The following TCEAL3 variants were observed in gnomAD, a reference collection of about 807,000 sequenced individuals.
The protein encoded by TCEAL3 is transcription elongation factor A like 3, also known as transcription elongation factor A protein-like 3.
For missense variants in TCEAL3, 99 were observed against 156.4 expected (o/e 0.63, Z 1.96); for synonymous variants, 41 against 60.2 (o/e 0.68, Z 1.48).
chrX:103,609,864 A>ATGAAATTGT lies in TCEAL3; in HGVS notation c.*197_*198insTGAAATTGT. On this transcript the variant is annotated 3_prime_UTR_variant, in exon 3 of 3. Coordinates refer to ENST00000372627, the MANE Select transcript of TCEAL3 (RefSeq NM_032926.3). ...GAGGATTTTCACCCATGTGCATGGAAAAGATGTTCATGGTACATTGTAAAA... is the reference window on the plus strand; with the variant it reads ...GAGGATTTTCACCCATGTGCATGGAATGAAATTGTAAGATGTTCATGGTACATTGTAAAA... 1 of 496,292 alleles carries ATGAAATTGT rather than the reference A, an allele frequency of 2.0e-6. No individual in the cohort carries two copies. The highest frequency in any genetic ancestry group is 5.6e-5 in the South Asian group (1 of 17,776). The allele number at this position is 496,292 out of a possible 1,213,427, so 40.9% of individuals were successfully genotyped here. A position where few individuals can be genotyped will look rare whatever the true frequency, so the allele number is the denominator to read the frequency against.
Position 103,609,592 on chromosome X carries a change from G to A in TCEAL3, c.528G>A (p.Arg176=). 8.3e-7 allele frequency: 1 copy of A among 1,211,810 alleles called. No individual in the cohort carries two copies. The highest frequency in any genetic ancestry group is 1.7e-5 in the African/African-American group (1 of 57,792). ...ATGTACAGGATCCATTCGCCCCAAG[G>A]GGACAACGGGGTGTCAGGGGAGTGA... ...QRDVQDPFAP[R]GQRGVRGVRG... Residue 176 remains arginine (R), a synonymous_variant, in exon 3 of 3, where the codon AGG becomes AGA. Coordinates refer to ENST00000372627, the MANE Select transcript of TCEAL3 (RefSeq NM_032926.3).
intron 2 of TCEAL3, 97 bp from the exon 3 acceptor site, chrX:103,608,941 T>G: frequency 8.4e-6 from 9 of 1,074,654 alleles, no homozygotes; most frequent in Non-Finnish European, 1.1e-5. Flanking sequence ...TCACCAGGGG[T>G]GAGATGCAAG....
Position 103,609,142 on chromosome X carries a change from T to C in TCEAL3, c.78T>C (p.Asp26=), listed in dbSNP as rs748622051. 84 of 1,209,105 alleles carry C rather than the reference T, an allele frequency of 6.9e-5. No individual in the cohort carries two copies. The highest frequency in any genetic ancestry group is 8.7e-5 in the Non-Finnish European group (78 of 894,817). ...GKPEDEVEPD[D]EGKSDEEEKP... ...CAGAAGATGAAGTAGAGCCTGATGATGAAGGAAAGTCAGACGAGGAAGAAA... is the reference window on the plus strand; with the variant it reads ...CAGAAGATGAAGTAGAGCCTGATGACGAAGGAAAGTCAGACGAGGAAGAAA... Residue 26 remains aspartate (D), a synonymous_variant, in exon 3 of 3, where the codon GAT becomes GAC. Coordinates refer to ENST00000372627, the MANE Select transcript of TCEAL3 (RefSeq NM_032926.3).
At position 103,608,843 on chromosome X, in the gene TCEAL3, A is replaced by T. The variant is rs144268357; in HGVS notation, c.-28+170A>T. 2.4e-3 allele frequency among the ~76,000 whole-genome samples: 274 copies of T among 113,044 alleles called. No homozygotes were observed. The highest frequency in any genetic ancestry group is 7.8e-3 in the African/African-American group (243 of 31,190). On this transcript the variant is annotated intron_variant, in intron 2 of 2. Coordinates refer to ENST00000372627, the MANE Select transcript of TCEAL3 (RefSeq NM_032926.3). ...GAGAAGGTGGCAGGGACTGCCAGGG[A>T]ATGGCTGGCTCACGTGTGTGGGAGG...
At chrX:103,608,397 C>T (rs2073639472) in intron 1 of TCEAL3, among the ~76,000 whole-genome samples, 1 of 112,610 alleles carries the variant, frequency 8.9e-6, no homozygotes, top group Admixed American at 9.3e-5. Flanking sequence ...CAGGTTGCCT[C>T]CAGGGGAAGG....
chrX:103,608,291 A>G (rs1314638891), intron 1 of TCEAL3, among the ~76,000 whole-genome samples: 1 of 113,016 alleles, frequency 8.8e-6, no homozygotes, highest in Admixed American at 9.2e-5. Flanking sequence ...CCCGCAGTGC[A>G]ACAGTGAAAC....
intron 2 of TCEAL3, among the ~76,000 whole-genome samples, 163 bp from the exon 3 acceptor site, chrX:103,608,875 A>G (rs2073642152): frequency 8.9e-6 from 1 of 112,792 alleles, no homozygotes; most frequent in Admixed American, 9.3e-5. Flanking sequence ...GAGGAGTGGC[A>G]GGCTACGTGG....
chrX:103,608,534 G>A (rs1427040623), intron 1 of TCEAL3, 70 bp from the exon 2 acceptor site: 1 of 332,938 alleles, frequency 3.0e-6, no homozygotes, highest in East Asian at 8.0e-5. Flanking sequence ...CTGGACTCAG[G>A]AAAGGGAACC....
At chrX:103,608,561 G>T in intron 1 of TCEAL3, 43 bp from the exon 2 acceptor site, 1 of 431,076 alleles carries the variant, frequency 2.3e-6, no homozygotes, top group East Asian at 6.6e-5. Context: ...CTGTGAGACC[G>T]CTGACTGCGC....
At chrX:103,608,956 A>G (rs2073642672) in intron 2 of TCEAL3, 82 bp from the exon 3 acceptor site, 1 of 1,116,939 alleles carries the variant, frequency 9.0e-7, no homozygotes, top group African/African-American at 1.8e-5. Flanking sequence ...TGCAAGTACT[A>G]TCCAGACCTG....
In TCEAL3 at chrX:103,609,338, A is replaced by G. The variant is rs765368459; in HGVS notation, c.274A>G (p.Ser92Gly). Reference protein sequence around the residue: ...GKPASQAKPESQPRAAEKRPA... With the variant: ...GKPASQAKPEGQPRAAEKRPA... Reference sequence around the variant, plus strand: ...GCCAGCCTCCCAGGCAAAGCCAGAGAGCCAGCCGCGGGCCGCCGAAAAGCG... The same window carrying G: ...GCCAGCCTCCCAGGCAAAGCCAGAGGGCCAGCCGCGGGCCGCCGAAAAGCG... Residue 92 changes from serine to glycine, a missense_variant, in exon 3 of 3, where the codon AGC becomes GGC. Ser to Gly is a moderately conservative substitution (Grantham distance 56). Coordinates refer to ENST00000372627, the MANE Select transcript of TCEAL3 (RefSeq NM_032926.3). 2.3e-5 allele frequency: 28 copies of G among 1,210,106 alleles called. No individual in the cohort carries two copies. In the East Asian group the frequency reaches 4.7e-4, roughly 21 times the overall value.
Position 103,608,585 on chromosome X carries a change from G to C in TCEAL3, c.-97-19G>C. The C allele has an allele frequency of 1.7e-6, 1 of 586,131 alleles. No individual in the cohort carries two copies. Among genetic ancestry groups the C allele is most frequent in the Non-Finnish European group, 2.6e-6 (1 of 386,393 alleles). The allele number at this position is 586,131 out of a possible 1,213,427, so 48.3% of individuals were successfully genotyped here. Reference sequence around the variant, plus strand: ...CGCTGACTGCGCAGCCCCTACCCCTGTCTCCTGTCTGTCCGCAGGTCTGCG... The same window carrying C: ...CGCTGACTGCGCAGCCCCTACCCCTCTCTCCTGTCTGTCCGCAGGTCTGCG... On this transcript the variant is annotated intron_variant, in intron 1 of 2. Transcript: ENST00000372627.
Position 103,609,383 on chromosome X carries a change from C to T in TCEAL3, c.319C>T (p.Pro107Ser). 1 of 1,211,601 alleles carries T rather than the reference C, an allele frequency of 8.3e-7. No homozygotes were observed. The highest frequency in any genetic ancestry group is 1.1e-6 in the Non-Finnish European group (1 of 895,496). Residue 107 changes from proline to serine, a missense_variant, in exon 3 of 3, where the codon CCC becomes TCC. Physicochemically the swap from Pro to Ser is moderately conservative, Grantham distance 74 (BLOSUM62 -1). Coordinates refer to ENST00000372627, the MANE Select transcript of TCEAL3 (RefSeq NM_032926.3). Reference protein sequence around the residue: ...AEKRPAEDYVPRKAKRKTDRG... With the variant: ...AEKRPAEDYVSRKAKRKTDRG... ...AAAGCGCCCGGCTGAAGATTATGTG[C>T]CCCGGAAAGCAAAAAGAAAAACGGA...
chrX:103,609,860 T>C lies in TCEAL3; in HGVS notation c.*193T>C. On this transcript the variant is annotated 3_prime_UTR_variant, in exon 3 of 3. Transcript: ENST00000372627. ...AGTAGAGGATTTTCACCCATGTGCATGGAAAAGATGTTCATGGTACATTGT... is the reference window on the plus strand; with the variant it reads ...AGTAGAGGATTTTCACCCATGTGCACGGAAAAGATGTTCATGGTACATTGT... 2.0e-6 allele frequency: 1 copy of C among 503,806 alleles called. No homozygotes were observed. The highest frequency in any genetic ancestry group is 3.1e-6 in the Non-Finnish European group (1 of 318,580). 41.5% of individuals were successfully genotyped at this position (503,806 alleles called of 1,213,427 possible).
At position 103,609,787 on chromosome X, in the gene TCEAL3, G is replaced by A. The variant is rs1298861036; in HGVS notation, c.*120G>A. 36 of 995,154 alleles carry A rather than the reference G, an allele frequency of 3.6e-5. No homozygotes were observed. Among genetic ancestry groups the A allele is most frequent in the Non-Finnish European group, 4.4e-5 (33 of 745,038 alleles). 82.0% of individuals were successfully genotyped at this position (995,154 alleles called of 1,213,427 possible). Reference sequence around the variant, plus strand: ...AGCTGATACTTTGCTTTAGATGTCAGTCTCGTTACCAGCAGCCTTTTGACC... The same window carrying A: ...AGCTGATACTTTGCTTTAGATGTCAATCTCGTTACCAGCAGCCTTTTGACC... On this transcript the variant is annotated 3_prime_UTR_variant, in exon 3 of 3. Transcript: ENST00000372627.
chrX:103,608,254 A>G (rs972022025), intron 1 of TCEAL3, among the ~76,000 whole-genome samples, 196 bp downstream of exon 1: 9 of 112,686 alleles, frequency 8.0e-5, no homozygotes, highest in Non-Finnish European at 1.7e-4. Context: ...CCATTTTAGT[A>G]CTGGAAATGG....
In TCEAL3 at chrX:103,609,913, G is replaced by T. The variant is rs1358418701; in HGVS notation, c.*246G>T. On this transcript the variant is annotated 3_prime_UTR_variant, in exon 3 of 3. Coordinates refer to ENST00000372627, the MANE Select transcript of TCEAL3 (RefSeq NM_032926.3). ...AAAAATAAAATTAAAATTAAAAAAAGTTTGCAGAACCGCATATACAGTATC... is the reference window on the plus strand; with the variant it reads ...AAAAATAAAATTAAAATTAAAAAAATTTTGCAGAACCGCATATACAGTATC... 5.3e-6 allele frequency: 2 copies of T among 376,242 alleles called. No individual in the cohort carries two copies. Among genetic ancestry groups the T allele is most frequent in the Admixed American group, 1.0e-4 (2 of 19,649 alleles). The allele number at this position is 376,242 out of a possible 1,213,427, so 31.0% of individuals were successfully genotyped here. A position where few individuals can be genotyped will look rare whatever the true frequency, so the allele number is the denominator to read the frequency against.
In TCEAL3 at chrX:103,608,693, G is replaced by T; in HGVS notation, c.-28+20G>T. 1 of 552,449 alleles carries T rather than the reference G, an allele frequency of 1.8e-6. No homozygotes were observed. The highest frequency in any genetic ancestry group is 2.9e-5 in the South Asian group (1 of 34,601). The allele number at this position is 552,449 out of a possible 1,213,427, so 45.5% of individuals were successfully genotyped here. Reference sequence around the variant, plus strand: ...CTGCAGGTCTGTGAAGGTGGTTGTGGGGGAGCTCAATGGACAGGGCCCTAT... The same window carrying T: ...CTGCAGGTCTGTGAAGGTGGTTGTGTGGGAGCTCAATGGACAGGGCCCTAT... On this transcript the variant is annotated intron_variant, in intron 2 of 2. Transcript: ENST00000372627.
In TCEAL3 at chrX:103,609,138, A is replaced by G; in HGVS notation, c.74A>G (p.Asp25Gly). 4 of 1,211,767 alleles carry G rather than the reference A, an allele frequency of 3.3e-6. No homozygotes were observed. The highest frequency in any genetic ancestry group is 4.5e-6 in the Non-Finnish European group (4 of 895,329). ...EGKPEDEVEP[D>G]DEGKSDEEEK... ...AAGCCAGAAGATGAAGTAGAGCCTG[A>G]TGATGAAGGAAAGTCAGACGAGGAA... Residue 25 changes from aspartate (D) to glycine (G), a missense_variant, in exon 3 of 3, where the codon GAT becomes GGT. Physicochemically the swap from Asp to Gly is moderately conservative, Grantham distance 94. Transcript: ENST00000372627.
Sources: allele counts gnomAD v4.1 joint callset (sites outside exome capture counted in the v4.1 genomes callset), GRCh38; gene constraint gnomAD v4.1.1; transcripts MANE v1.5; gene names NCBI Gene and HGNC (gene_info 2026-07-23, HGNC 2026-07-21).